Variants in USP38 observed in about 807,000 individuals in gnomAD.
The protein encoded by USP38 is ubiquitin specific peptidase 38, also known as ubiquitin carboxyl-terminal hydrolase 38.
A neutral mutation model predicts 94.3 loss-of-function variants in USP38; 49 were observed. The observed-to-expected ratio is 0.52, with a 90% CI of 0.41 to 0.66. USP38 has a LOEUF of 0.66. Ranked by LOEUF, USP38 falls within the 30% of genes least tolerant of loss-of-function variation. USP38 has a pLI of 0.00. For synonymous variants in USP38, 468 were observed against 463.6 expected (o/e 1.01, Z -0.12); for missense variants, 1,128 against 1,229.4 (o/e 0.92, Z 1.23).
chr4:143,195,823 T>G lies in USP38; in HGVS notation c.926T>G (p.Val309Gly), dbSNP rs200661775. The G allele has an allele frequency of 9.1e-5, 147 of 1,612,872 alleles. No homozygotes were observed. In the East Asian group the frequency reaches 2.9e-3, roughly 32 times the overall value. The change falls in exon 3 of 10, where the codon GTT becomes GGT. Residue 309 changes from valine (V) to glycine (G), a missense_variant. Coordinates refer to ENST00000307017, the MANE Select transcript of USP38 (RefSeq NM_032557.6). ...AVQKFTILID[V>G]TLLKIELVFN... ...CAGAAGTTTACTATTTTGATAGATG[T>G]TACTTTGCTGAAAATAGAACTGGTA...
At chr4:143,207,469 C>T (rs745377541) in intron 6 of USP38, among the ~76,000 whole-genome samples, 10 of 152,076 alleles carry the variant, frequency 6.6e-5, no homozygotes, top group East Asian at 1.9e-4. Context: ...ACCCAGGAGG[C>T]GGAGGTTGCA....
At chr4:143,215,898 T>C (rs1053915651) in intron 9 of USP38, among the ~76,000 whole-genome samples, 3 of 152,044 alleles carry the variant, frequency 2.0e-5, no homozygotes, top group Admixed American at 6.6e-5. Context: ...CAGAAAAAAA[T>C]AGAAAATCAG....
intron 7 of USP38, among the ~76,000 whole-genome samples, chr4:143,211,137 G>C (rs914401588): frequency 6.6e-6 from 1 of 151,614 alleles, no homozygotes; most frequent in Non-Finnish European, 1.5e-5. Flanking sequence ...AGAGCTATTA[G>C]GAAAAAAAAT....
chr4:143,215,238 A>T, intron 9 of USP38: 1 of 358,006 alleles, frequency 2.8e-6, no homozygotes. Flanking sequence ...AAGTGGACAT[A>T]TCCTCCCTCT....
Position 143,190,537 on chromosome 4 carries a change from A to T in USP38, c.818+2576A>T, listed in dbSNP as rs554576006. Among the ~76,000 whole-genome samples the T allele has an allele frequency of 5.9e-5, 9 of 152,146 alleles. No individual in the cohort carries two copies. In the East Asian group the frequency reaches 1.7e-3, roughly 29 times the overall value. ...AGGCAGAACTTATCTTCATGGCCTG[A>T]TGTTGGTGTTTATTTTTTCTCTTTT... On this transcript the variant is annotated intron_variant, in intron 2 of 9. Transcript: ENST00000307017.
At chr4:143,204,324 C>T (rs1021268242) in intron 5 of USP38, 7 of 439,524 alleles carry the variant, frequency 1.6e-5, no homozygotes, top group Non-Finnish European at 2.7e-5. Flanking sequence ...ATCAATGTTT[C>T]GAATCTTTAC....
intron 4 of USP38, among the ~76,000 whole-genome samples, chr4:143,198,370 C>A (rs1731613770): frequency 6.6e-6 from 1 of 152,194 alleles, no homozygotes; most frequent in Admixed American, 6.5e-5. Context: ...GTTAAGCCAG[C>A]TGAATCATTG....
At chr4:143,219,643 CAA>C (rs1295921203) in intron 9 of USP38, among the ~76,000 whole-genome samples, 1 of 151,958 alleles carries the variant, frequency 6.6e-6, no homozygotes, top group Admixed American at 6.6e-5. Flanking sequence ...CATATTTTTC[CAA>C]AGAGTTTGTG....
At chr4:143,201,142 A>G (rs747084488) in intron 4 of USP38, among the ~76,000 whole-genome samples, 21 of 152,220 alleles carry the variant, frequency 1.4e-4, no homozygotes, top group Non-Finnish European at 2.8e-4. Context: ...ACAGGGCTAC[A>G]GTAGTATATT....
At position 143,214,725 on chromosome 4, in the gene USP38, A is replaced by G; in HGVS notation, c.2749A>G (p.Asn917Asp). 3 of 1,613,774 alleles carry G rather than the reference A, an allele frequency of 1.9e-6. No homozygotes were observed. Among genetic ancestry groups the G allele is most frequent in the Non-Finnish European group, 2.5e-6 (3 of 1,179,818 alleles). Residue 917 changes from asparagine (N) to aspartate (D), a missense_variant, in exon 9 of 10, where the codon AAT becomes GAT. Transcript: ENST00000307017. The part of the protein sequence containing the change: ...KEMSKEWFLF[N>D]DSRVTFTSFQ... ...AATGTCAAAAGAATGGTTTTTATTTAATGACAGTAGAGTGACATTTACTTC... is the reference window on the plus strand; with the variant it reads ...AATGTCAAAAGAATGGTTTTTATTTGATGACAGTAGAGTGACATTTACTTC...
intron 9 of USP38, among the ~76,000 whole-genome samples, chr4:143,215,854 C>T (rs756027346): frequency 2.6e-5 from 4 of 151,902 alleles, no homozygotes; most frequent in Non-Finnish European, 5.9e-5. Flanking sequence ...AGAAGTATAG[C>T]GATGTTCTTG....
Position 143,209,575 on chromosome 4 carries a change from A to G in USP38, c.1415A>G (p.Gln472Arg). 6.3e-7 allele frequency: 1 copy of G among 1,580,458 alleles called. No homozygotes were observed. The highest frequency in any genetic ancestry group is 1.1e-5 in the South Asian group (1 of 90,036). ...ALFMATDFRR[Q>R]VLSLNLNGCN... The stretch of plus-strand genomic sequence containing the variant: ...ATATTCTCTTTCAGTTTCAGGAGAC[A>G]AGTATTATCTTTAAATCTAAATGGG... The change falls in exon 7 of 10, where the codon CAA becomes CGA. Residue 472 changes from glutamine (Q) to arginine (R), a missense_variant. Gln to Arg is a conservative substitution (Grantham distance 43). Transcript: ENST00000307017.
At chr4:143,204,285 T>A in intron 5 of USP38, 1 of 394,400 alleles carries the variant, frequency 2.5e-6, no homozygotes, top group Non-Finnish European at 4.9e-6. Context: ...TGGCCTCTTT[T>A]TTAATTCTAT....
rs1423050104 is a variant in USP38, at chr4:143,214,057, C to G, written c.2081C>G (p.Pro694Arg). ...EFYCSENTSV[P>R]NESNKILVNK... is the part of the protein sequence containing the mutation. ...TACTGTTCTGAAAACACTTCTGTCC[C>G]TAACGAATCTAACAAGATTCTTGTT... Residue 694 changes from proline to arginine, a missense_variant, in exon 9 of 10, where the codon CCT becomes CGT. Transcript: ENST00000307017. 10 of 1,613,546 alleles carry G rather than the reference C, an allele frequency of 6.2e-6. No homozygotes were observed. Among genetic ancestry groups the G allele is most frequent in the Non-Finnish European group, 8.5e-6 (10 of 1,179,788 alleles).
At chr4:143,211,471 GC>G in intron 7 of USP38, among the ~76,000 whole-genome samples, 1 of 152,114 alleles carries the variant, frequency 6.6e-6, no homozygotes, top group African/African-American at 2.4e-5. Context: ...ATGCAAGCAA[GC>G]AGCAGGGTTG....
At chr4:143,188,934 A>G (rs537279999) in intron 2 of USP38, among the ~76,000 whole-genome samples, 59 of 152,082 alleles carry the variant, frequency 3.9e-4, no homozygotes, top group Non-Finnish European at 8.1e-4. Context: ...GTGGTATATA[A>G]GCTAATTATG....
chr4:143,190,881 C>T (rs1196000200), intron 2 of USP38, among the ~76,000 whole-genome samples: 1 of 152,048 alleles, frequency 6.6e-6, no homozygotes, highest in Non-Finnish European at 1.5e-5. Context: ...ATTCATATTC[C>T]ACTTCTTGGC....
intron 2 of USP38, among the ~76,000 whole-genome samples, chr4:143,192,414 T>C (rs2149604770): frequency 6.6e-6 from 1 of 152,276 alleles, no homozygotes; most frequent in East Asian, 1.9e-4. Context: ...TCCAGCCGCC[T>C]TGGCCTCCCA....
At chr4:143,192,551 T>C (rs1731426315) in intron 2 of USP38, among the ~76,000 whole-genome samples, 1 of 18,426 alleles carries the variant, frequency 5.4e-5, no homozygotes. Context: ...CCCATATTAC[T>C]TTTTTTTTTT....
Sources: allele counts gnomAD v4.1 joint callset (sites outside exome capture counted in the v4.1 genomes callset), GRCh38; gene constraint gnomAD v4.1.1; transcripts MANE v1.5; gene names NCBI Gene and HGNC (gene_info 2026-07-23, HGNC 2026-07-21).